TRERF1: variants seen among roughly 807,000 people sequenced by gnomAD.
The protein encoded by TRERF1 is transcriptional regulating factor 1.
TRERF1 carries 27 observed loss-of-function variants against 122.9 expected under a neutral mutation model. That is an observed-to-expected ratio of 0.22 (90% CI 0.16 to 0.30). TRERF1 has a LOEUF of 0.30. Among genes scored for constraint, TRERF1 ranks in the 10% least tolerant of loss-of-function variants. The pLI is 1.00. For synonymous variants in TRERF1, 636 were observed against 641.7 expected, an observed-to-expected ratio of 0.99 and a Z score of 0.13; for missense variants, 1,248 against 1,560.3, an observed-to-expected ratio of 0.80 and a Z score of 3.37.
chr6:42,318,059 C>A (rs1380999859), intron 3 of TRERF1, among the ~76,000 whole-genome samples: 1 of 151,546 alleles, frequency 6.6e-6, no homozygotes, highest in Non-Finnish European at 1.5e-5. Context: ...GAGGCTGAGG[C>A]AGGAGAATCG....
chr6:42,225,565 C>CTGTATTT (rs1769402664), exon 18 of TRERF1: 1 of 151,680 alleles, frequency 6.6e-6, no homozygotes, highest in African/African-American at 2.4e-5. Flanking sequence ...CAGTTAAGCA[C>CTGTATTT]ACTAGATATT....
chr6:42,297,897 C>T (rs1178622085), intron 4 of TRERF1, among the ~76,000 whole-genome samples: 2 of 152,096 alleles, frequency 1.3e-5, no homozygotes, highest in Non-Finnish European at 2.9e-5. Flanking sequence ...AGAACCAGAC[C>T]TGCAAGAACT....
At chr6:42,435,811 C>CAA (rs59595247) in intron 2 of TRERF1, among the ~76,000 whole-genome samples, 14 of 142,370 alleles carry the variant, frequency 9.8e-5, no homozygotes, top group East Asian at 2.1e-4. Flanking sequence ...CCGTCTTTAC[C>CAA]AAAAAAAAAA....
intron 10 of TRERF1, among the ~76,000 whole-genome samples, chr6:42,257,783 T>A (rs1337777163): frequency 2.0e-5 from 3 of 152,088 alleles, no homozygotes; most frequent in African/African-American, 4.8e-5. Flanking sequence ...GGCCAAGAAT[T>A]GGGGAGGAGG....
chr6:42,300,458 C>T (rs902386586), intron 4 of TRERF1, among the ~76,000 whole-genome samples, 180 bp downstream of exon 4: 6 of 152,332 alleles, frequency 3.9e-5, no homozygotes, highest in Non-Finnish European at 8.8e-5. Context: ...ATATCAGCCT[C>T]TCCTTTAACC....
At chr6:42,302,792 G>T (rs1426064033) in intron 3 of TRERF1, among the ~76,000 whole-genome samples, 1 of 152,222 alleles carries the variant, frequency 6.6e-6, no homozygotes, top group Non-Finnish European at 1.5e-5. Flanking sequence ...AAGCAGGAAT[G>T]CACTTCATTC....
chr6:42,320,504 G>T (rs946871842), intron 3 of TRERF1, among the ~76,000 whole-genome samples: 1 of 132,548 alleles, frequency 7.5e-6, no homozygotes, highest in Non-Finnish European at 1.5e-5. Context: ...AAAAGTGAAA[G>T]AATTTTTTTT....
At position 42,263,509 on chromosome 6, in the gene TRERF1, C is replaced by T. The variant is rs778122657; in HGVS notation, c.1695G>A (p.Pro565=). The change falls in exon 8 of 18, where the codon CCG becomes CCA. Residue 565 remains proline, a synonymous_variant. Coordinates refer to ENST00000372922, the Ensembl canonical transcript of TRERF1. This position sits in a 1 kb window ranked among gnomAD's most constrained non-coding sequence, Gnocchi z 5.6. ...GAGGGAGCTGTGGTGGCGGCGGAGG[C>T]GGAGGCGGAGGCGGCAGTGGTGGCT... The T allele has an allele frequency of 3.8e-6, 6 of 1,564,024 alleles. No individual in the cohort carries two copies. Among genetic ancestry groups the T allele is most frequent in the South Asian group, 1.2e-5 (1 of 82,530 alleles).
Position 42,426,621 on chromosome 6 carries a change from C to T in TRERF1, c.-454+24556G>A, listed in dbSNP as rs572674225. Among the ~76,000 whole-genome samples the T allele has an allele frequency of 2.5e-4, 38 of 152,308 alleles. 2 individuals are homozygous for T. The South Asian group carries it at 7.9e-3, about 32-fold the overall frequency. The stretch of plus-strand genomic sequence containing the variant: ...GTCTCTCTAACAAAGAGGTGGAAGC[C>T]GTCAGACCAGGGATCAGCAAATATG... On this transcript the variant is annotated intron_variant, in intron 2 of 17. Transcript: ENST00000372922.
intron 15 of TRERF1, among the ~76,000 whole-genome samples, chr6:42,237,823 C>T (rs1772599615): frequency 6.6e-6 from 1 of 152,194 alleles, no homozygotes; most frequent in Non-Finnish European, 1.5e-5. Flanking sequence ...ATGTATGTGG[C>T]ATTTAGTAGC....
intron 2 of TRERF1, among the ~76,000 whole-genome samples, chr6:42,406,851 T>C (rs260287): frequency 0.031 from 4,685 of 151,434 alleles, 212 homozygotes; most frequent in African/African-American, 0.1. Flanking sequence ...ATAATCCACA[T>C]TCCCTATGGG....
rs756850632 is a variant in TRERF1 at position 42,259,662 on chromosome 6, T to C, written c.1946A>G (p.Gln649Arg). 15 of 1,610,852 alleles carry C rather than the reference T, an allele frequency of 9.3e-6. No homozygotes were observed. Among genetic ancestry groups the C allele is most frequent in the Admixed American group, 1.7e-5 (1 of 60,028 alleles). ...CCGGTGCCGGAACTTTTTCTTCTCC[T>C]GCACGGTCTTGAGGGGCTCCTCGGC... Residue 649 changes from glutamine to arginine, a missense_variant, in exon 9 of 18, where the codon CAG (glutamine) becomes CGG (arginine). Physicochemically the swap from Gln to Arg is conservative, Grantham distance 43. Transcript: ENST00000372922. The surrounding 1 kb of genome is among the most constrained non-coding windows in gnomAD (Gnocchi z 4.9).
At position 42,232,714 on chromosome 6, in the gene TRERF1, G is replaced by C. The variant is rs149037822; in HGVS notation, c.3245C>G (p.Pro1082Arg). ...CTCCTTGCAGGGGAAGATGGTGGTG[G>C]GGTCTGTCTCGCCGCTGGTGGTGCT... Residue 1082 changes from proline to arginine, a missense_variant, in exon 17 of 18, where the codon CCC (proline) becomes CGC (arginine). Around this residue, in one of 5 missense-constraint regions of TRERF1, gnomAD observed 159 missense variants for 221.7 expected, o/e 0.72. Coordinates refer to ENST00000372922, the Ensembl canonical transcript of TRERF1. This position sits in a 1 kb window ranked among gnomAD's most constrained non-coding sequence, Gnocchi z 4.5. The C allele has an allele frequency of 2.6e-5, 42 of 1,605,786 alleles. No homozygotes were observed. The African/African-American group carries it at 5.2e-4, about 20-fold the overall frequency.
chr6:42,404,009 T>G (rs2151378090), intron 2 of TRERF1, among the ~76,000 whole-genome samples: 1 of 152,216 alleles, frequency 6.6e-6, no homozygotes, highest in East Asian at 1.9e-4. Context: ...TATGGGGCAC[T>G]CCGTGGGTGC....
At chr6:42,451,603 C>A (rs1458351058) in intron 1 of TRERF1, among the ~76,000 whole-genome samples, 71 bp downstream of exon 1, 1 of 151,162 alleles carries the variant, frequency 6.6e-6, no homozygotes, top group Non-Finnish European at 1.5e-5. Context: ...CTGCTCCCCC[C>A]TCCCCCCTTC....
exon 7 of TRERF1, chr6:42,264,730 T>G: frequency 6.2e-7 from 1 of 1,614,126 alleles, no homozygotes; most frequent in South Asian, 1.1e-5. Context: ...GAGGCCCTCA[T>G]TCCCCCGTGG....
chr6:42,308,960 GAA>G (rs11335283), intron 3 of TRERF1, among the ~76,000 whole-genome samples: 1 of 151,204 alleles, frequency 6.6e-6, no homozygotes, highest in Admixed American at 6.6e-5. Context: ...TTTTTTACGT[GAA>G]AAAAAAAATG....
rs763003835 is a variant in TRERF1 at position 42,269,083 on chromosome 6, A to C, written c.508T>G (p.Ser170Ala). ...TCAGGGGCTCCATCCATCACTGCTGACTGAGTGTGCAGCACCTGGGCCATA... is the reference window on the plus strand; with the variant it reads ...TCAGGGGCTCCATCCATCACTGCTGCCTGAGTGTGCAGCACCTGGGCCATA... Residue 170 changes from serine to alanine, a missense_variant, in exon 5 of 18, where the codon TCA becomes GCA. Ser to Ala is a moderately conservative substitution (Grantham distance 99). Coordinates refer to ENST00000372922, the Ensembl canonical transcript of TRERF1. The surrounding 1 kb of genome is among the most constrained non-coding windows in gnomAD (Gnocchi z 4.9). 4.5e-5 allele frequency: 72 copies of C among 1,614,088 alleles called. No individual in the cohort carries two copies. Among genetic ancestry groups the C allele is most frequent in the East Asian group, 1.8e-4 (8 of 44,902 alleles).
intron 4 of TRERF1, among the ~76,000 whole-genome samples, chr6:42,292,012 C>T (rs1045640700): frequency 6.6e-6 from 1 of 152,132 alleles, no homozygotes; most frequent in Non-Finnish European, 1.5e-5. Flanking sequence ...TCCAGCAGGC[C>T]TATCTAACTT....
Sources: gnomAD v4.1 joint callset for allele counts (sites outside exome capture counted in the v4.1 genomes callset) on GRCh38, gnomAD v4.1.1 for gene constraint, gnomAD v4.1.1 regional missense constraint, Gnocchi (gnomAD v3.1) non-coding constraint, MANE v1.5 for transcripts, NCBI Gene and HGNC (gene_info 2026-07-23, HGNC 2026-07-21) for gene names.